The following PPT2 variants were observed in gnomAD, a reference collection of about 807,000 sequenced individuals.
The protein encoded by PPT2 is lysosomal thioesterase PPT2.
PPT2 carries 20 observed loss-of-function variants against 37.3 expected under a neutral mutation model. The ratio of observed to expected loss-of-function variants is 0.54; its 90% CI spans 0.38 to 0.78. The LOEUF is 0.78. Among genes scored for constraint, PPT2 ranks in the 30% least tolerant of loss-of-function variants. The pLI, the probability that PPT2 is intolerant of heterozygous loss-of-function variation, is 0.00. For synonymous variants in PPT2, 135 were observed against 159.1 expected (o/e 0.85, Z 1.14); for missense variants, 270 against 389.8 (o/e 0.69, Z 2.59).
chr6:32,158,036 C>A, intron 7 of PPT2, 112 bp downstream of exon 7: 1 of 917,986 alleles, frequency 1.1e-6, no homozygotes, highest in Non-Finnish European at 1.6e-6. Context: ...GTTAGTGCTC[C>A]TCCCCCCATT....
In PPT2 at chr6:32,163,193, G is replaced by A. The variant is rs1318096764; in HGVS notation, c.*243G>A. ...GTCCTCTCATTTGGGGGATTGCTCC[G>A]TGCTGTCCCTTTCTCTCAAGGCCGA... On this transcript the variant is annotated 3_prime_UTR_variant, in exon 9 of 9. Transcript: ENST00000324816. 3 of 506,266 alleles carry A rather than the reference G, an allele frequency of 5.9e-6. No homozygotes were observed. The highest frequency in any genetic ancestry group is 1.0e-5 in the Non-Finnish European group (3 of 290,298). 31.4% of individuals were successfully genotyped at this position (506,266 alleles called of 1,614,324 possible).
rs1783737723 is a variant in PPT2, at chr6:32,155,627, G to A, written c.338-61G>A. 1 of 1,124,718 alleles carries A rather than the reference G, an allele frequency of 8.9e-7. No individual in the cohort carries two copies. Among genetic ancestry groups the A allele is most frequent in the African/African-American group, 1.6e-5 (1 of 61,278 alleles). The allele number at this position is 1,124,718 out of a possible 1,614,324, so 69.7% of individuals were successfully genotyped here. A position where few individuals can be genotyped will look rare whatever the true frequency, so the allele number is the denominator to read the frequency against. On this transcript the variant is annotated intron_variant, in intron 3 of 8. Coordinates refer to ENST00000324816, the MANE Select transcript of PPT2 (RefSeq NM_005155.7). This position sits in a 1 kb window ranked among gnomAD's most constrained non-coding sequence, Gnocchi z 4.3. ...GTGTGTGTGTGTGTGTGGTGGGGGTGGGGGGTGCTGCTGGCTTTGCTGTCC... is the reference window on the plus strand; with the variant it reads ...GTGTGTGTGTGTGTGTGGTGGGGGTAGGGGGTGCTGCTGGCTTTGCTGTCC...
chr6:32,155,584 CTGTGTG>C lies in PPT2; in HGVS notation c.338-75_338-70del, dbSNP rs28359849. 4.7e-3 allele frequency: 3,272 copies of C among 697,454 alleles called. 9 individuals are homozygous for C. The highest frequency in any genetic ancestry group is 0.028 in the East Asian group (1,016 of 36,804). The allele number at this position is 697,454 out of a possible 1,614,324, so 43.2% of individuals were successfully genotyped here. On this transcript the variant is annotated intron_variant, in intron 3 of 8. Transcript: ENST00000324816. The surrounding 1 kb of genome is among the most constrained non-coding windows in gnomAD (Gnocchi z 4.3). The stretch of plus-strand genomic sequence containing the variant: ...GTACAGTGTGTGTCTGTGTGTGTCT[CTGTGTG>C]TGTGTGTGTGTGTGTGTGTGTGTGT...
chr6:32,153,773 T>C (rs1484918451), upstream of PPT2: 8 of 1,199,486 alleles, frequency 6.7e-6, no homozygotes, highest in African/African-American at 1.6e-5. This position sits in a 1 kb window ranked among gnomAD's most constrained non-coding sequence, Gnocchi z 4.4. Flanking sequence ...TACCTTTCCC[T>C]GGTCCGCCCC....
Position 32,154,815 on chromosome 6 carries a change from C to T in PPT2, c.183+38C>T. On this transcript the variant is annotated intron_variant, in intron 2 of 8. Transcript: ENST00000324816. The surrounding 1 kb of genome is among the most constrained non-coding windows in gnomAD (Gnocchi z 7.3). ...ACACCTGGGTGCAGGGCGTTAGAGG[C>T]GTCTACTGTGGCAGGGGAGGGAGAG... The T allele has an allele frequency of 6.3e-7, 1 of 1,591,286 alleles. No individual in the cohort carries two copies.
At chr6:32,158,795 AC>A (rs1402914515) in intron 7 of PPT2, among the ~76,000 whole-genome samples, 1 of 151,668 alleles carries the variant, frequency 6.6e-6, no homozygotes, top group East Asian at 1.9e-4. Flanking sequence ...GGGTGGAAGA[AC>A]CCCCCAGGGA....
intron 7 of PPT2, among the ~76,000 whole-genome samples, chr6:32,159,468 A>G (rs1185574617): frequency 7.1e-6 from 1 of 140,220 alleles, no homozygotes; most frequent in East Asian, 2.0e-4. Context: ...ATATATATAT[A>G]TATATCCTCA....
intron 7 of PPT2, 148 bp downstream of exon 7, chr6:32,158,072 T>G: frequency 3.0e-6 from 2 of 676,414 alleles, no homozygotes; most frequent in Non-Finnish European, 5.0e-6. Context: ...GACCAAAACC[T>G]GGGAGTCATA....
At chr6:32,159,934 A>G (rs1784043512) in intron 7 of PPT2, among the ~76,000 whole-genome samples, 1 of 151,658 alleles carries the variant, frequency 6.6e-6, no homozygotes, top group East Asian at 1.9e-4. Flanking sequence ...GTTAGCCAGG[A>G]TGGTCTCGAT....
Position 32,157,645 on chromosome 6 carries a change from C to G in PPT2, c.550C>G (p.His184Asp). 1 of 1,596,022 alleles carries G rather than the reference C, an allele frequency of 6.3e-7. No individual in the cohort carries two copies. Among genetic ancestry groups the G allele is most frequent in the Non-Finnish European group, 8.6e-7 (1 of 1,164,392 alleles). ...CTGCTGTTTGTACCCAGATCCCCAC[C>G]ACGATGACTTGTACCTCAATGCCAG... is the stretch of plus-strand genomic sequence containing the variant. Reference protein sequence around the residue: ...SICNYWHDPHHDDLYLNASSF... With the variant: ...SICNYWHDPHDDDLYLNASSF... The change falls in exon 6 of 9, where the codon CAC (histidine) becomes GAC (aspartate). Residue 184 changes from histidine to aspartate, a missense_variant. Transcript: ENST00000324816.
chr6:32,158,229 C>A, intron 7 of PPT2: 1 of 326,254 alleles, frequency 3.1e-6, no homozygotes, highest in Non-Finnish European at 5.6e-6. Context: ...TATAGCAAGG[C>A]CCTTCACCCA....
upstream of PPT2, chr6:32,153,604 A>G (rs750060843): frequency 1.3e-5 from 20 of 1,560,246 alleles, no homozygotes; most frequent in Non-Finnish European, 2.6e-6. This position sits in a 1 kb window ranked among gnomAD's most constrained non-coding sequence, Gnocchi z 4.4. Context: ...CTCTGGAGAC[A>G]AGGGCACTAC....
At chr6:32,157,539 A>G (rs921037432) in intron 5 of PPT2, 98 bp from the exon 6 acceptor site, 2 of 1,023,852 alleles carry the variant, frequency 2.0e-6, no homozygotes, top group African/African-American at 1.6e-5. Flanking sequence ...TTTTATTACT[A>G]TCCACCTTGA....
At position 32,157,932 on chromosome 6, in the gene PPT2, G is replaced by A; in HGVS notation, c.710+8G>A. The A allele has an allele frequency of 6.3e-7, 1 of 1,599,502 alleles. No homozygotes were observed. Among genetic ancestry groups the A allele is most frequent in the Non-Finnish European group, 8.6e-7 (1 of 1,168,558 alleles). On this transcript the variant is annotated splice_region_variant and intron_variant, in intron 7 of 8. Transcript: ENST00000324816. ...TACTCCCTGGCAGTCCAGGTAATAA[G>A]GGATTTTGTGGCCTGAAGATTGGCT...
Position 32,155,993 on chromosome 6 carries a change from T to C in PPT2, c.541+15T>C, listed in dbSNP as rs1326720349. The C allele has an allele frequency of 1.3e-6, 2 of 1,586,886 alleles. No homozygotes were observed. Among genetic ancestry groups the C allele is most frequent in the East Asian group, 4.5e-5 (2 of 44,768 alleles). On this transcript the variant is annotated intron_variant, in intron 5 of 8. Coordinates refer to ENST00000324816, the MANE Select transcript of PPT2 (RefSeq NM_005155.7). This position sits in a 1 kb window ranked among gnomAD's most constrained non-coding sequence, Gnocchi z 4.3. ...CTACTGGCATGGTGAGTGGGGATGC[T>C]GAACTGGGGCTTCCATGGATCAGGT...
intron 5 of PPT2, chr6:32,157,387 A>C: frequency 1.8e-6 from 1 of 544,794 alleles, no homozygotes; most frequent in South Asian, 2.1e-5. Flanking sequence ...TAACTTTTGT[A>C]TTTTTAGTAG....
Position 32,155,267 on chromosome 6 carries a change from T to A in PPT2, c.337+84T>A. ...AGGGACACTTCCTAGCGTCCCTTTT[T>A]CTGAACCACATTGCTCCAGGCACAA... On this transcript the variant is annotated intron_variant, in intron 3 of 8. Transcript: ENST00000324816. This position sits in a 1 kb window ranked among gnomAD's most constrained non-coding sequence, Gnocchi z 4.3. The A allele has an allele frequency of 2.0e-6, 3 of 1,504,870 alleles. No individual in the cohort carries two copies. The highest frequency in any genetic ancestry group is 2.7e-6 in the Non-Finnish European group (3 of 1,095,640). 93.2% of individuals were successfully genotyped at this position (1,504,870 alleles called of 1,614,324 possible). A position where few individuals can be genotyped will look rare whatever the true frequency, so the allele number is the denominator to read the frequency against.
In PPT2 at chr6:32,162,560, C is replaced by CT; in HGVS notation, c.711-5dup. On this transcript the variant is annotated splice_polypyrimidine_tract_variant and splice_region_variant and intron_variant, in intron 7 of 8. Coordinates refer to ENST00000324816, the MANE Select transcript of PPT2 (RefSeq NM_005155.7). This position sits in a 1 kb window ranked among gnomAD's most constrained non-coding sequence, Gnocchi z 5.5. ...CTTCTGATAACCTCCCCCCAAATCT[C>CT]TTTGTAGCTTCTTTGGTTTCTATGA... is the stretch of plus-strand genomic sequence containing the variant. The CT allele has an allele frequency of 6.2e-7, 1 of 1,606,794 alleles. No individual in the cohort carries two copies. Among genetic ancestry groups the CT allele is most frequent in the Non-Finnish European group, 8.5e-7 (1 of 1,173,344 alleles).
chr6:32,154,399 G>A lies in PPT2; in HGVS notation c.-14G>A. 6 of 1,444,574 alleles carry A rather than the reference G, an allele frequency of 4.2e-6. No individual in the cohort carries two copies. The South Asian group carries it at 4.6e-5, about 11-fold the overall frequency. The allele number at this position is 1,444,574 out of a possible 1,614,324, so 89.5% of individuals were successfully genotyped here. On this transcript the variant is annotated 5_prime_UTR_variant, in exon 1 of 9. Transcript: ENST00000324816. The surrounding 1 kb of genome is among the most constrained non-coding windows in gnomAD (Gnocchi z 7.3). Reference sequence around the variant, plus strand: ...GAGTTGGAGGCGGGACTTCGGGTGCGCGTTGGTGCGTCAACGTGGTGGGGG... The same window carrying A: ...GAGTTGGAGGCGGGACTTCGGGTGCACGTTGGTGCGTCAACGTGGTGGGGG...
Sources: gnomAD v4.1 joint callset for allele counts (sites outside exome capture counted in the v4.1 genomes callset) on GRCh38, gnomAD v4.1.1 for gene constraint, Gnocchi (gnomAD v3.1) non-coding constraint, MANE v1.5 for transcripts, NCBI Gene and HGNC (gene_info 2026-07-23, HGNC 2026-07-21) for gene names.